Variants in RUSC1 observed in about 807,000 individuals in gnomAD.
The protein encoded by RUSC1 is AP-4 complex accessory subunit RUSC1.
Under a neutral mutation model 72.1 loss-of-function variants are expected in RUSC1, and 40 were observed. The ratio of observed to expected loss-of-function variants is 0.55; its 90% CI spans 0.43 to 0.72. The LOEUF (loss-of-function observed/expected upper bound fraction) is 0.72, where lower values mean the gene tolerates loss of function less well. RUSC1 is among the 30% of genes least tolerant of loss of function. The pLI, the probability that RUSC1 is intolerant of heterozygous loss-of-function variation, is 0.00. For missense variants in RUSC1, 1,092 were observed against 1,172.3 expected, an observed-to-expected ratio of 0.93 and a Z score of 1.00; for synonymous variants, 512 against 494.2, an observed-to-expected ratio of 1.04 and a Z score of -0.48.
chr1:155,328,226 TCTC>T lies in RUSC1; in HGVS notation c.2495_2497del (p.Pro832del). On this transcript the variant is annotated inframe_deletion, in exon 9 of 10. Coordinates refer to ENST00000368352, the MANE Select transcript of RUSC1 (RefSeq NM_001105203.2). ...GCGGGGGGCACCTCCCGAGATGCCT[TCTC>T]CTCAGGAGCTTGAGGCCTCAGCACC... The T allele has an allele frequency of 2.5e-6, 4 of 1,613,446 alleles. No individual in the cohort carries two copies. The highest frequency in any genetic ancestry group is 1.1e-5 in the South Asian group (1 of 90,790).
chr1:155,325,812 G>C lies in RUSC1; in HGVS notation c.1815-52G>C. 1 of 1,605,132 alleles carries C rather than the reference G, an allele frequency of 6.2e-7. No homozygotes were observed. Among genetic ancestry groups the C allele is most frequent in the Non-Finnish European group, 8.5e-7 (1 of 1,171,926 alleles). On this transcript the variant is annotated intron_variant, in intron 6 of 9. Transcript: ENST00000368352. This position sits in a 1 kb window ranked among gnomAD's most constrained non-coding sequence, Gnocchi z 6.5. ...TCATCTCCCATCCTCCACCCAGAGA[G>C]GACTGGAGTCCTCCACCTCCCTGAA... is the stretch of plus-strand genomic sequence containing the variant.
chr1:155,330,678 TC>T lies in RUSC1; in HGVS notation c.*110del, dbSNP rs1651930486. On this transcript the variant is annotated 3_prime_UTR_variant, in exon 10 of 10. Transcript: ENST00000368352. ...TTTCCCTCTGCAAAATGACGTTTCT[TC>T]CCACGTCTGTTTCTGCTAATATTTA... 33 of 1,111,570 alleles carry T rather than the reference TC, an allele frequency of 3.0e-5. No individual in the cohort carries two copies. Among genetic ancestry groups the T allele is most frequent in the Non-Finnish European group, 4.1e-5 (33 of 800,136 alleles). 68.9% of individuals were successfully genotyped at this position (1,111,570 alleles called of 1,614,324 possible).
In RUSC1 at chr1:155,322,899, T is replaced by C; in HGVS notation, c.1126T>C (p.Ser376Pro). Reference sequence around the variant, plus strand: ...AGTCACCACCTTCAAGGAACTCCGGTCCCGAAGCCGGGCCCCAGCCCCGCC... The same window carrying C: ...AGTCACCACCTTCAAGGAACTCCGGCCCCGAAGCCGGGCCCCAGCCCCGCC... ...REVTTFKELR[S>P]RSRAPAPPVP... The change falls in exon 2 of 10, where the codon TCC becomes CCC. Residue 376 changes from serine to proline, a missense_variant. By Grantham distance (74) the Ser-to-Pro change is moderately conservative (BLOSUM62 -1). Transcript: ENST00000368352. 1 of 1,601,200 alleles carries C rather than the reference T, an allele frequency of 6.2e-7. No individual in the cohort carries two copies. Among genetic ancestry groups the C allele is most frequent in the Non-Finnish European group, 8.5e-7 (1 of 1,175,292 alleles).
chr1:155,327,822 G>A (rs1651576142), intron 8 of RUSC1, among the ~76,000 whole-genome samples: 1 of 152,092 alleles, frequency 6.6e-6, no homozygotes, highest in Non-Finnish European at 1.5e-5. Context: ...CAAACAAAAT[G>A]CCAACCCCTG....
rs748695674 is a variant in RUSC1 at position 155,322,582 on chromosome 1, C to G, written c.809C>G (p.Pro270Arg). The G allele has an allele frequency of 2.4e-5, 38 of 1,614,100 alleles. No individual in the cohort carries two copies. The African/African-American group carries it at 4.9e-4, about 21-fold the overall frequency. Residue 270 changes from proline (P) to arginine (R), a missense_variant, in exon 2 of 10, where the codon CCT becomes CGT. Pro to Arg is a moderately radical substitution (Grantham distance 103). Coordinates refer to ENST00000368352, the MANE Select transcript of RUSC1 (RefSeq NM_001105203.2). ...GTTAACTCTAGCTGGAAAAGTGAAC[C>G]TGAAAAATTCGACTCTGGTTGGAAA... ...GNVNSSWKSEPEKFDSGWKTN... is the reference protein window; with the variant it reads ...GNVNSSWKSEREKFDSGWKTN...
intron 9 of RUSC1, among the ~76,000 whole-genome samples, chr1:155,329,891 G>A (rs1321694562): frequency 6.7e-6 from 1 of 149,826 alleles, no homozygotes; most frequent in Non-Finnish European, 1.5e-5. Flanking sequence ...CTGGGAGGTG[G>A]AGGCTGTTGA....
chr1:155,328,039 A>C, intron 8 of RUSC1, 111 bp from the exon 9 acceptor site: 1 of 1,389,116 alleles, frequency 7.2e-7, no homozygotes, highest in African/African-American at 1.4e-5. Context: ...CTAACCCCTG[A>C]CCTCTTTTGA....
chr1:155,330,521 G>A lies in RUSC1; in HGVS notation c.2659G>A (p.Asp887Asn). ...VDEDWLRCGR[D>N]GMEGLVPVGY... The stretch of plus-strand genomic sequence containing the variant: ...TGAGGACTGGCTCCGCTGTGGGCGG[G>A]ATGGCATGGAGGGTCTGGTGCCTGT... Residue 887 changes from aspartate to asparagine, a missense_variant, in exon 10 of 10, where the codon GAT becomes AAT. Physicochemically the swap from Asp to Asn is conservative, Grantham distance 23. Transcript: ENST00000368352. 2 of 1,613,744 alleles carry A rather than the reference G, an allele frequency of 1.2e-6. No homozygotes were observed. Among genetic ancestry groups the A allele is most frequent in the Non-Finnish European group, 1.7e-6 (2 of 1,179,792 alleles).
chr1:155,325,522 C>CGCAGG lies in RUSC1; in HGVS notation c.1709-37_1709-33dup, dbSNP rs754255406. The CGCAGG allele has an allele frequency of 1.1e-5, 18 of 1,604,088 alleles. No homozygotes were observed. In the South Asian group the frequency reaches 1.7e-4, roughly 15 times the overall value. On this transcript the variant is annotated intron_variant, in intron 5 of 9. Coordinates refer to ENST00000368352, the MANE Select transcript of RUSC1 (RefSeq NM_001105203.2). This position sits in a 1 kb window ranked among gnomAD's most constrained non-coding sequence, Gnocchi z 6.5. The stretch of plus-strand genomic sequence containing the variant: ...CAGGAGGGCGTGGGACCCGGCAGTG[C>CGCAGG]GCAGGGCAGGGCCGGGCTTGGCTGA...
intron 9 of RUSC1, among the ~76,000 whole-genome samples, 160 bp from the exon 10 acceptor site, chr1:155,330,243 A>G (rs1225416697): frequency 2.0e-5 from 3 of 152,166 alleles, no homozygotes; most frequent in Non-Finnish European, 4.4e-5. Flanking sequence ...CTGGGGCCCC[A>G]GATAGAATCA....
Position 155,323,013 on chromosome 1 carries a change from C to G in RUSC1, c.1240C>G (p.Arg414Gly), listed in dbSNP as rs1265816802. The change falls in exon 2 of 10, where the codon CGA becomes GGA. Residue 414 changes from arginine (R) to glycine (G), a missense_variant. Physicochemically the swap from Arg to Gly is moderately radical, Grantham distance 125. Coordinates refer to ENST00000368352, the MANE Select transcript of RUSC1 (RefSeq NM_001105203.2). Reference sequence around the variant, plus strand: ...TGTCCCTCCCCGAAGGAAGAAGAACCGACCTGGACTGCAGCCCATAGCGGA... The same window carrying G: ...TGTCCCTCCCCGAAGGAAGAAGAACGGACCTGGACTGCAGCCCATAGCGGA... The part of the protein sequence containing the change: ...PPVPPRRKKN[R>G]PGLQPIAEGQ... The G allele has an allele frequency of 4.7e-6, 7 of 1,496,624 alleles. No individual in the cohort carries two copies. In the African/African-American group the frequency reaches 8.5e-5, roughly 18 times the overall value. The allele number at this position is 1,496,624 out of a possible 1,614,324, so 92.7% of individuals were successfully genotyped here.
chr1:155,328,065 C>T (rs544802300), intron 8 of RUSC1, 85 bp from the exon 9 acceptor site: 31 of 1,527,600 alleles, frequency 2.0e-5, no homozygotes, highest in Middle Eastern at 2.0e-4. Context: ...AATTAGGCCC[C>T]TTAGCCTCTC....
At chr1:155,324,395 CCT>C (rs746592110) in intron 2 of RUSC1, 8 of 1,612,890 alleles carry the variant, frequency 5.0e-6, no homozygotes, top group Admixed American at 3.3e-5. Flanking sequence ...CTCCCTTTCC[CCT>C]GTCTGTCTTT....
intron 9 of RUSC1, among the ~76,000 whole-genome samples, chr1:155,329,853 G>C (rs1651826908): frequency 6.6e-6 from 1 of 151,462 alleles, no homozygotes; most frequent in Admixed American, 6.6e-5. Flanking sequence ...AGCTACTCGG[G>C]AGGCTGAGGC....
Position 155,322,056 on chromosome 1 carries a change from G to C in RUSC1, c.283G>C (p.Ala95Pro). ...CCCGTCACAGGAGGAAGAGGGGGCT[G>C]CCTCTCCCTCAGACCCAGGCTGCTC... ...QDPSQEEEGA[A>P]SPSDPGCSSS... Residue 95 changes from alanine to proline, a missense_variant, in exon 2 of 10, where the codon GCC (alanine) becomes CCC (proline). Physicochemically the swap from Ala to Pro is conservative, Grantham distance 27. Transcript: ENST00000368352. The C allele has an allele frequency of 6.2e-7, 1 of 1,613,676 alleles. No homozygotes were observed. Among genetic ancestry groups the C allele is most frequent in the South Asian group, 1.1e-5 (1 of 91,046 alleles).
rs1344157567 is a variant in RUSC1, at chr1:155,325,448, A to G, written c.1666A>G (p.Arg556Gly). 1.3e-6 allele frequency: 2 copies of G among 1,593,770 alleles called. No homozygotes were observed. The highest frequency in any genetic ancestry group is 3.4e-5 in the Admixed American group (2 of 58,726). ...FRKDLITGQR[R>G]SSPWSVVEAS... ...GAAGGACCTCATCACCGGGCAGCGC[A>G]GGAGCAGCCCCTGGAGCGTGGTGGA... Residue 556 changes from arginine to glycine, a missense_variant, in exon 5 of 10, where the codon AGG becomes GGG. Physicochemically the swap from Arg to Gly is moderately radical, Grantham distance 125. Coordinates refer to ENST00000368352, the MANE Select transcript of RUSC1 (RefSeq NM_001105203.2). This position sits in a 1 kb window ranked among gnomAD's most constrained non-coding sequence, Gnocchi z 6.5.
At position 155,322,940 on chromosome 1, in the gene RUSC1, C is replaced by T. The variant is rs1395651215; in HGVS notation, c.1167C>T (p.Asp389=). 5 of 1,596,254 alleles carry T rather than the reference C, an allele frequency of 3.1e-6. No individual in the cohort carries two copies. In the African/African-American group the frequency reaches 5.4e-5, roughly 17 times the overall value. ...CAGCCCCGCCAGTCCCGCCTCGAGA[C>T]CCCCCAGTTGGCTGGGCTTTGGTCC... is the stretch of plus-strand genomic sequence containing the variant. ...RAPAPPVPPR[D]PPVGWALVPP... The change falls in exon 2 of 10, where the codon GAC becomes GAT. Residue 389 remains aspartate (D), a synonymous_variant. Coordinates refer to ENST00000368352, the MANE Select transcript of RUSC1 (RefSeq NM_001105203.2).
intron 2 of RUSC1, chr1:155,323,995 G>T: frequency 9.8e-7 from 1 of 1,024,934 alleles, no homozygotes; most frequent in Non-Finnish European, 1.2e-6. Flanking sequence ...TAGTGCTGGA[G>T]GGGGAAGTTG....
intron 9 of RUSC1, among the ~76,000 whole-genome samples, chr1:155,329,392 CT>C (rs749137919): frequency 0.032 from 3,845 of 118,438 alleles, 76 homozygotes; most frequent in Middle Eastern, 0.096. Context: ...GGCTACTAAA[CT>C]TTTTTTTTTT....
Sources: gnomAD v4.1 joint callset for allele counts (sites outside exome capture counted in the v4.1 genomes callset) on GRCh38, gnomAD v4.1.1 for gene constraint, Gnocchi (gnomAD v3.1) non-coding constraint, MANE v1.5 for transcripts, NCBI Gene and HGNC (gene_info 2026-07-23, HGNC 2026-07-21) for gene names.